The following BCAR3 variants were observed in gnomAD, a reference collection of about 807,000 sequenced individuals.
BCAR3 encodes the protein breast cancer anti-estrogen resistance protein 3.
BCAR3 carries 37 observed loss-of-function variants against 80.1 expected under a neutral mutation model. The observed-to-expected ratio is 0.46, with a 90% CI of 0.36 to 0.61. The LOEUF (loss-of-function observed/expected upper bound fraction) is 0.61. Among genes scored for constraint, BCAR3 ranks in the 20% least tolerant of loss-of-function variants. BCAR3 has a pLI of 0.00. For missense variants in BCAR3, 978 were observed against 1,068.2 expected, an observed-to-expected ratio of 0.92 and a Z score of 1.18; for synonymous variants, 389 against 418.9, an observed-to-expected ratio of 0.93 and a Z score of 0.87.
intron 2 of BCAR3, among the ~76,000 whole-genome samples, chr1:93,742,845 T>C (rs1421692051): frequency 2.6e-5 from 4 of 152,118 alleles, no homozygotes; most frequent in Admixed American, 2.0e-4. Context: ...ATTTCAGAAA[T>C]GCTACCACAC....
intron 3 of BCAR3, among the ~76,000 whole-genome samples, chr1:93,692,118 T>C (rs1159750067): frequency 6.6e-6 from 1 of 152,252 alleles, no homozygotes; most frequent in Admixed American, 6.5e-5. Flanking sequence ...GATTTATAAC[T>C]GACACTGCAT....
chr1:93,803,511 G>A (rs1168093063), intron 2 of BCAR3, among the ~76,000 whole-genome samples: 1 of 152,126 alleles, frequency 6.6e-6, no homozygotes, highest in Admixed American at 6.6e-5. Flanking sequence ...CAGAAAAAGA[G>A]AGAGGTCCAG....
chr1:93,693,026 G>A (rs1427488049), intron 3 of BCAR3, among the ~76,000 whole-genome samples: 4 of 152,120 alleles, frequency 2.6e-5, no homozygotes, highest in Non-Finnish European at 4.4e-5. Flanking sequence ...TCCTAGCGCC[G>A]TCCTGGGGCT....
intron 2 of BCAR3, among the ~76,000 whole-genome samples, chr1:93,742,823 CCA>C (rs1248484184): frequency 1.3e-5 from 2 of 152,020 alleles, no homozygotes; most frequent in African/African-American, 2.4e-5. Flanking sequence ...AACAACAAAC[CCA>C]CATATAATTA....
At chr1:93,718,508 C>T (rs541089216) in intron 2 of BCAR3, among the ~76,000 whole-genome samples, 1 of 152,170 alleles carries the variant, frequency 6.6e-6, no homozygotes, top group East Asian at 1.9e-4. Context: ...CTAGCTGTGG[C>T]CTTACATGCA....
Position 93,562,009 on chromosome 1 carries a change from A to AT in BCAR3, c.*231dup. On this transcript the variant is annotated 3_prime_UTR_variant, in exon 12 of 12. Transcript: ENST00000260502. The stretch of plus-strand genomic sequence containing the variant: ...TCTTCTCTTAAATTTGCTGATCAAC[A>AT]TTAGCAGTAGTTACCTTAATAATAA... The AT allele has an allele frequency of 2.7e-6, 1 of 369,506 alleles. No individual in the cohort carries two copies. Among genetic ancestry groups the AT allele is most frequent in the Non-Finnish European group, 4.7e-6 (1 of 212,936 alleles). 22.9% of individuals were successfully genotyped at this position (369,506 alleles called of 1,614,324 possible).
intron 2 of BCAR3, among the ~76,000 whole-genome samples, chr1:93,761,983 C>T (rs925580954): frequency 6.6e-6 from 1 of 152,304 alleles, no homozygotes; most frequent in Admixed American, 6.5e-5. Flanking sequence ...AGCATGCAGG[C>T]CCACAGTGCT....
At chr1:93,632,518 T>C (rs1010117708) in intron 3 of BCAR3, among the ~76,000 whole-genome samples, 2 of 152,178 alleles carry the variant, frequency 1.3e-5, no homozygotes, top group African/African-American at 2.4e-5. Context: ...GCTATAATAT[T>C]CTCTAGATTA....
chr1:93,739,311 T>C (rs2100694022), intron 2 of BCAR3, among the ~76,000 whole-genome samples: 1 of 152,140 alleles, frequency 6.6e-6, no homozygotes, highest in East Asian at 1.9e-4. Context: ...GGGTGAAAAT[T>C]AGGGTTAAGT....
chr1:93,836,156 C>T lies in BCAR3; in HGVS notation c.-63+9411G>A, dbSNP rs1051360753. Among the ~76,000 whole-genome samples the T allele has an allele frequency of 6.6e-5, 10 of 152,312 alleles. 1 individual carries two copies. The highest frequency in any genetic ancestry group is 3.9e-4 in the Admixed American group (6 of 15,300). On this transcript the variant is annotated intron_variant, in intron 2 of 13. Coordinates refer to the BCAR3 transcript ENST00000370244. ...CCTTCTCAGAATTAGAGCCTGTCCT[C>T]GAGATGCTACAGGGTACAGCCCATT...
In BCAR3 at chr1:93,692,230, C is replaced by G. The variant is rs573645885; in HGVS notation, c.-12+13862G>C. Among the ~76,000 whole-genome samples the G allele has an allele frequency of 2.6e-5, 4 of 152,300 alleles. No homozygotes were observed. The South Asian group carries it at 8.3e-4, about 32-fold the overall frequency. The stretch of plus-strand genomic sequence containing the variant: ...AAGAGGCTGTCAGTTTGGCCCTTTC[C>G]TCTCTGGTTCCTTCCTCACAGGAAC... On this transcript the variant is annotated intron_variant, in intron 3 of 13. Coordinates refer to the BCAR3 transcript ENST00000370244.
chr1:93,617,798 C>T (rs1453811183), intron 3 of BCAR3, among the ~76,000 whole-genome samples: 7 of 152,180 alleles, frequency 4.6e-5, no homozygotes, highest in Non-Finnish European at 1.0e-4. Flanking sequence ...CCTTGCCCCA[C>T]TCAGCACCAG....
intron 2 of BCAR3, among the ~76,000 whole-genome samples, chr1:93,825,870 C>G (rs1654354007): frequency 6.6e-6 from 1 of 152,180 alleles, no homozygotes; most frequent in Non-Finnish European, 1.5e-5. Flanking sequence ...TCTGTTTCTG[C>G]CCTAATTTGC....
Position 93,638,909 on chromosome 1 carries a change from T to C in BCAR3, c.357+3395A>G, listed in dbSNP as rs558947737. On this transcript the variant is annotated intron_variant, in intron 3 of 11. Coordinates refer to ENST00000260502, the MANE Select transcript of BCAR3 (RefSeq NM_003567.4). ...AGGAAAAATGTGAAAAAAAACAAAA[T>C]TCTCTCCTGTAAGTGCCAGAATTAA... Among the ~76,000 whole-genome samples, 4 of 152,162 alleles carry C rather than the reference T, an allele frequency of 2.6e-5. No individual in the cohort carries two copies. In the East Asian group the frequency reaches 7.7e-4, roughly 29 times the overall value.
intron 3 of BCAR3, among the ~76,000 whole-genome samples, chr1:93,693,272 G>C (rs1649264755): frequency 6.6e-6 from 1 of 152,182 alleles, no homozygotes; most frequent in Admixed American, 6.5e-5. Flanking sequence ...CACTTTGGGG[G>C]GCTAACCCCT....
intron 3 of BCAR3, among the ~76,000 whole-genome samples, chr1:93,638,563 G>C (rs1188327180): frequency 6.6e-6 from 1 of 151,922 alleles, no homozygotes. Context: ...GGCTCTAAAA[G>C]ATATTTCCTC....
intron 2 of BCAR3, among the ~76,000 whole-genome samples, chr1:93,658,999 A>C (rs1439796664): frequency 6.6e-6 from 1 of 152,192 alleles, no homozygotes; most frequent in Non-Finnish European, 1.5e-5. Flanking sequence ...GGTGAACTAC[A>C]CAACTGGGAG....
intron 3 of BCAR3, among the ~76,000 whole-genome samples, chr1:93,636,129 G>A (rs145375241): frequency 4.6e-5 from 7 of 152,294 alleles, no homozygotes; most frequent in Admixed American, 2.6e-4. Flanking sequence ...GGCCTGTAAC[G>A]TCTATAGACC....
chr1:93,813,364 C>CA (rs779541917), intron 2 of BCAR3, among the ~76,000 whole-genome samples: 1 of 152,184 alleles, frequency 6.6e-6, no homozygotes, highest in South Asian at 2.1e-4. Context: ...GGCCTCACCT[C>CA]ACTGCCCCCA....
Sources: gnomAD v4.1 joint callset for allele counts (sites outside exome capture counted in the v4.1 genomes callset) on GRCh38, gnomAD v4.1.1 for gene constraint, MANE v1.5 for transcripts, NCBI Gene and HGNC (gene_info 2026-07-23, HGNC 2026-07-21) for gene names.